The following LRP1B variants were observed in gnomAD, a reference collection of about 807,000 sequenced individuals.
LRP1B encodes LDL receptor related protein 1B.
Under a neutral mutation model 556.6 loss-of-function variants are expected in LRP1B, and 217 were observed. That is an observed-to-expected ratio of 0.39 (90% CI 0.35 to 0.44). The LOEUF is 0.44. Ranked by LOEUF, LRP1B falls within the 20% of genes least tolerant of loss-of-function variation. The pLI is 1.00. For missense variants in LRP1B, 5,053 were observed against 5,620.8 expected (o/e 0.90, Z 3.23); for synonymous variants, 2,047 against 1,865.8 (o/e 1.10, Z -2.50).
chr2:141,382,062 G>T (rs373060813), intron 3 of LRP1B, among the ~76,000 whole-genome samples: 25 of 152,192 alleles, frequency 1.6e-4, no homozygotes, highest in African/African-American at 5.5e-4. Context: ...TCCCTGAAAG[G>T]CTTGGCTACC....
intron 51 of LRP1B, among the ~76,000 whole-genome samples, chr2:140,514,254 G>A (rs1298292832): frequency 6.6e-6 from 1 of 151,872 alleles, no homozygotes; most frequent in Non-Finnish European, 1.5e-5. Context: ...CACATAAACA[G>A]CACGTGTGGC....
intron 1 of LRP1B, among the ~76,000 whole-genome samples, chr2:141,817,580 T>C (rs539792756): frequency 1.3e-5 from 2 of 152,100 alleles, no homozygotes; most frequent in African/African-American, 2.4e-5. Context: ...CTAATTTATA[T>C]TTTCTCATTT....
intron 86 of LRP1B, among the ~76,000 whole-genome samples, chr2:140,260,483 A>C (rs13404511): frequency 0.047 from 7,070 of 151,872 alleles, 270 homozygotes; most frequent in South Asian, 0.18. Context: ...TATTATATAT[A>C]GATATATACA....
At chr2:140,702,680 G>A (rs1686693004) in intron 37 of LRP1B, 127 bp from the exon 38 acceptor site, 7 of 817,572 alleles carry the variant, frequency 8.6e-6, no homozygotes, top group African/African-American at 1.7e-5. Context: ...CATTTCGGAA[G>A]TTAATATACA....
At chr2:140,270,858 C>T (rs533199860) in intron 85 of LRP1B, among the ~76,000 whole-genome samples, 1 of 152,004 alleles carries the variant, frequency 6.6e-6, no homozygotes, top group African/African-American at 2.4e-5. Context: ...CCACTTTTAT[C>T]CCACTGTTTC....
chr2:140,239,345 T>G, intron 88 of LRP1B, 97 bp downstream of exon 88: 1 of 712,542 alleles, frequency 1.4e-6, no homozygotes, highest in Non-Finnish European at 2.3e-6. Flanking sequence ...TTGGCATAAC[T>G]AAATCATGTT....
intron 41 of LRP1B, among the ~76,000 whole-genome samples, chr2:140,680,661 T>A (rs1574233833): frequency 6.6e-6 from 1 of 152,274 alleles, no homozygotes; most frequent in East Asian, 1.9e-4. Flanking sequence ...AGTGATGCAC[T>A]TGGATTCAAA....
chr2:141,856,161 A>T (rs1466697927), intron 1 of LRP1B, among the ~76,000 whole-genome samples: 1 of 152,164 alleles, frequency 6.6e-6, no homozygotes, highest in Non-Finnish European at 1.5e-5. Flanking sequence ...CTTGAATTGC[A>T]TTTTGTGTGT....
In LRP1B at chr2:140,886,184, A is replaced by G. The variant is rs553209115; in HGVS notation, c.3918T>C (p.Asp1306=). 2.8e-5 allele frequency: 45 copies of G among 1,611,230 alleles called. 2 individuals carry two copies. The South Asian group carries it at 3.5e-4, about 13-fold the overall frequency. ...CCCGGTATATTCTGTCTTCTACAAC[A>G]TCTGTCCAATAAAGTAAACTTTGAT... ...HFNQSLLYWT[D]VVEDRIYRGK... Residue 1306 remains aspartate, a synonymous_variant, in exon 24 of 91, where the codon GAT becomes GAC. Coordinates refer to ENST00000389484, the MANE Select transcript of LRP1B (RefSeq NM_018557.3).
intron 86 of LRP1B, chr2:140,269,268 T>C: frequency 2.1e-6 from 1 of 470,960 alleles, no homozygotes; most frequent in South Asian, 1.6e-5. Context: ...TTAAACCTAC[T>C]TGCATCTCGG....
chr2:141,367,025 A>T (rs1689065387), intron 3 of LRP1B, among the ~76,000 whole-genome samples: 1 of 152,192 alleles, frequency 6.6e-6, no homozygotes, highest in Non-Finnish European at 1.5e-5. Context: ...TTATGTGATT[A>T]TGGACTTGCC....
intron 7 of LRP1B, among the ~76,000 whole-genome samples, chr2:141,165,167 CAGT>C (rs1336446643): frequency 6.6e-6 from 1 of 151,858 alleles, no homozygotes; most frequent in Non-Finnish European, 1.5e-5. Context: ...CTCTAGTTGC[CAGT>C]ATGTTTCAAA....
intron 2 of LRP1B, among the ~76,000 whole-genome samples, chr2:141,781,151 G>A (rs1006115600): frequency 2.0e-5 from 3 of 151,912 alleles, no homozygotes; most frequent in African/African-American, 7.3e-5. Flanking sequence ...CAATGCTCAG[G>A]TCTTCATCCA....
chr2:141,047,972 A>G (rs548103821), intron 11 of LRP1B, among the ~76,000 whole-genome samples: 1 of 152,184 alleles, frequency 6.6e-6, no homozygotes, highest in South Asian at 2.1e-4. Context: ...TTCTCTATTA[A>G]TCATATATTT....
chr2:141,942,747 C>A (rs538431595), intron 1 of LRP1B, among the ~76,000 whole-genome samples: 1 of 152,216 alleles, frequency 6.6e-6, no homozygotes, highest in Admixed American at 6.5e-5. Flanking sequence ...AGCAACAGGT[C>A]TTTAGGGGTC....
intron 1 of LRP1B, among the ~76,000 whole-genome samples, chr2:141,993,693 T>C (rs1242414511): frequency 1.3e-5 from 2 of 152,186 alleles, no homozygotes; most frequent in African/African-American, 2.4e-5. Context: ...ATTATAAAGT[T>C]ACACACTAAA....
Position 141,295,790 on chromosome 2 carries a change from C to CACACACACACACACACACAT in LRP1B, c.344-41150_344-41149insATGTGTGTGTGTGTGTGTGT, listed in dbSNP as rs963472660. Among the ~76,000 whole-genome samples the CACACACACACACACACACAT allele has an allele frequency of 5.0e-5, 7 of 141,306 alleles. No homozygotes were observed. The East Asian group carries it at 1.4e-3, about 28-fold the overall frequency. 92.7% of individuals were successfully genotyped at this position (141,306 alleles called of 152,430 possible). A position where few individuals can be genotyped will look rare whatever the true frequency, so the allele number is the denominator to read the frequency against. On this transcript the variant is annotated intron_variant, in intron 3 of 90. Transcript: ENST00000389484. ...ACACACACACACACACACACACACA[C>CACACACACACACACACACAT]ATAACAGTGGGGCATCTAGCCTCTA...
At chr2:141,151,666 C>T (rs952497226) in intron 7 of LRP1B, among the ~76,000 whole-genome samples, 1 of 152,064 alleles carries the variant, frequency 6.6e-6, no homozygotes, top group Non-Finnish European at 1.5e-5. Flanking sequence ...TATAATCCTG[C>T]ATATATGCTG....
intron 18 of LRP1B, among the ~76,000 whole-genome samples, chr2:140,977,796 T>C (rs1696650583): frequency 6.6e-6 from 1 of 152,122 alleles, no homozygotes; most frequent in African/African-American, 2.4e-5. Context: ...TGATCACACA[T>C]TTCATCATTA....
Sources: gnomAD v4.1 joint callset for allele counts (sites outside exome capture counted in the v4.1 genomes callset) on GRCh38, gnomAD v4.1.1 for gene constraint, MANE v1.5 for transcripts, NCBI Gene and HGNC (gene_info 2026-07-23, HGNC 2026-07-21) for gene names.